The following FGF12 variants were observed in gnomAD, a reference collection of about 807,000 sequenced individuals.
The protein encoded by FGF12 is fibroblast growth factor 12, also known as fibroblast growth factor 12B.
FGF12 carries 14 observed loss-of-function variants against 23.6 expected under a neutral mutation model. The observed-to-expected ratio is 0.59, with a 90% CI of 0.39 to 0.93. FGF12 has a LOEUF of 0.93. FGF12 is among the 40% of genes least tolerant of loss of function. FGF12 has a pLI of 0.00. For synonymous variants in FGF12, 62 were observed against 77.3 expected, an observed-to-expected ratio of 0.80 and a Z score of 1.04; for missense variants, 175 against 217.8, an observed-to-expected ratio of 0.80 and a Z score of 1.24.
intron 2 of FGF12, among the ~76,000 whole-genome samples, chr3:192,667,607 T>TAAA (rs59867848): frequency 5.3e-5 from 4 of 76,182 alleles, no homozygotes; most frequent in South Asian, 1.1e-3. Flanking sequence ...CGAGACTCCG[T>TAAA]AAAAAAAAAA....
chr3:192,285,427 A>C (rs1020134398), intron 4 of FGF12, among the ~76,000 whole-genome samples: 1 of 152,086 alleles, frequency 6.6e-6, no homozygotes, highest in African/African-American at 2.4e-5. Context: ...CTTATGAAGA[A>C]TATCAGCTTA....
intron 5 of FGF12, among the ~76,000 whole-genome samples, chr3:192,164,318 A>G (rs1010741997): frequency 1.3e-5 from 2 of 152,184 alleles, no homozygotes; most frequent in Non-Finnish European, 2.9e-5. Context: ...GAGGGGACCC[A>G]TGTAAGTAGA....
intron 2 of FGF12, among the ~76,000 whole-genome samples, chr3:192,567,796 T>TCTTTC (rs1191848525): frequency 4.1e-5 from 6 of 146,766 alleles, no homozygotes; most frequent in African/African-American, 5.2e-5. Flanking sequence ...TTTCTTTCTT[T>TCTTTC]CTTTCTCTTT....
intron 2 of FGF12, among the ~76,000 whole-genome samples, chr3:192,571,413 C>T (rs1188613492): frequency 6.6e-6 from 1 of 152,226 alleles, no homozygotes; most frequent in Non-Finnish European, 1.5e-5. Context: ...CGAGGTTCAG[C>T]GCAAAACTGA....
Position 192,197,440 on chromosome 3 carries a change from G to A in FGF12, c.229-26784C>T, listed in dbSNP as rs560393514. On this transcript the variant is annotated intron_variant, in intron 4 of 5. Transcript: ENST00000445105. ...AACGACATTTGAACTGCAGTGTTGT[G>A]TTGTTATATCTCCTTTTTTGTCTAG... 3.9e-5 allele frequency among the ~76,000 whole-genome samples: 6 copies of A among 152,252 alleles called. No individual in the cohort carries two copies. In the South Asian group the frequency reaches 1.2e-3, roughly 32 times the overall value.
chr3:192,437,364 C>A (rs1227959299), intron 2 of FGF12, among the ~76,000 whole-genome samples: 2 of 152,092 alleles, frequency 1.3e-5, no homozygotes, highest in African/African-American at 4.8e-5. Context: ...CGCCTTTTAG[C>A]CAGAAGGTTT....
rs78603608 is a variant in FGF12, at chr3:192,414,804, T to A, written c.14-54266A>T. On this transcript the variant is annotated intron_variant, in intron 2 of 5. Coordinates refer to ENST00000445105, the MANE Select transcript of FGF12 (RefSeq NM_004113.6). ...CCATTCACTAGCTTCTAACATGGTT[T>A]CACATCTTGTGAATGACCTTGAAGA... Among the ~76,000 whole-genome samples the A allele has an allele frequency of 3.5e-3, 533 of 152,288 alleles. 7 individuals carry two copies. The East Asian group carries it at 0.037, about 10-fold the overall frequency.
intron 4 of FGF12, among the ~76,000 whole-genome samples, chr3:192,259,122 G>A (rs1175509152): frequency 6.6e-6 from 1 of 152,050 alleles, no homozygotes; most frequent in African/African-American, 2.4e-5. Flanking sequence ...TTATACCCAA[G>A]GGCAATTCCT....
chr3:192,257,224 G>A (rs935738926), intron 4 of FGF12, among the ~76,000 whole-genome samples: 7 of 152,050 alleles, frequency 4.6e-5, no homozygotes, highest in Non-Finnish European at 8.8e-5. Flanking sequence ...AATTTTATCA[G>A]TATCAAAAGC....
chr3:192,388,171 G>C (rs1720128391), intron 2 of FGF12, among the ~76,000 whole-genome samples: 1 of 152,094 alleles, frequency 6.6e-6, no homozygotes, highest in Non-Finnish European at 1.5e-5. Flanking sequence ...TGAGGCAGGA[G>C]GATCACTTGA....
intron 4 of FGF12, among the ~76,000 whole-genome samples, chr3:192,216,256 T>G (rs1342863594): frequency 1.3e-5 from 2 of 152,228 alleles, no homozygotes; most frequent in Non-Finnish European, 2.9e-5. Context: ...ATTAAATTAT[T>G]GTTAACCAGA....
At chr3:192,724,980 T>C (rs1461046449) in intron 2 of FGF12, among the ~76,000 whole-genome samples, 2 of 152,142 alleles carry the variant, frequency 1.3e-5, no homozygotes, top group Non-Finnish European at 2.9e-5. Context: ...TATACATACA[T>C]TTGAGAATGT....
At chr3:192,183,833 C>A (rs1716309935) in intron 4 of FGF12, among the ~76,000 whole-genome samples, 1 of 152,186 alleles carries the variant, frequency 6.6e-6, no homozygotes, top group Non-Finnish European at 1.5e-5. Context: ...GGATTAGAAC[C>A]TGCTCTCCAG....
intron 4 of FGF12, among the ~76,000 whole-genome samples, chr3:192,197,847 G>A (rs1717153269): frequency 1.3e-5 from 2 of 151,138 alleles, no homozygotes; most frequent in African/African-American, 4.9e-5. Context: ...TTGGGAGGCT[G>A]AGGCAGGAGA....
intron 4 of FGF12, among the ~76,000 whole-genome samples, chr3:192,218,359 T>C (rs1718303854): frequency 6.6e-6 from 1 of 152,180 alleles, no homozygotes; most frequent in Non-Finnish European, 1.5e-5. Flanking sequence ...TCATGTCTAA[T>C]TGTTATCCCC....
chr3:192,261,622 T>C (rs190326401), intron 4 of FGF12, among the ~76,000 whole-genome samples: 52 of 152,308 alleles, frequency 3.4e-4, no homozygotes, highest in Admixed American at 3.4e-3. Context: ...CATGAAGATA[T>C]GCCACACTGT....
chr3:192,251,304 A>G (rs74413569), intron 4 of FGF12, among the ~76,000 whole-genome samples: 2,079 of 152,274 alleles, frequency 0.014, 49 homozygotes, highest in African/African-American at 0.048. Context: ...TCTGATAGAG[A>G]GTAAGTTGTG....
chr3:192,522,700 C>G (rs1377222816), intron 2 of FGF12, among the ~76,000 whole-genome samples: 1 of 152,194 alleles, frequency 6.6e-6, no homozygotes, highest in African/African-American at 2.4e-5. Flanking sequence ...TGATACTAAT[C>G]TATCAATAAG....
At chr3:192,627,509 A>T (rs1312847808) in intron 2 of FGF12, among the ~76,000 whole-genome samples, 1 of 152,156 alleles carries the variant, frequency 6.6e-6, no homozygotes, top group Non-Finnish European at 1.5e-5. Flanking sequence ...AATTATTGTT[A>T]AAAGTACAGC....
Sources: gnomAD v4.1 joint callset for allele counts (sites outside exome capture counted in the v4.1 genomes callset) on GRCh38, gnomAD v4.1.1 for gene constraint, MANE v1.5 for transcripts, NCBI Gene and HGNC (gene_info 2026-07-23, HGNC 2026-07-21) for gene names.